Variants in ATRNL1 observed in about 807,000 individuals in gnomAD.
ATRNL1 encodes attractin-like protein 1.
A neutral mutation model predicts 182.7 loss-of-function variants in ATRNL1; 95 were observed. That is an observed-to-expected ratio of 0.52 (90% CI 0.44 to 0.62). The LOEUF (loss-of-function observed/expected upper bound fraction) is 0.62. Among genes scored for constraint, ATRNL1 ranks in the 20% least tolerant of loss-of-function variants. ATRNL1 has a pLI of 0.00. For missense variants in ATRNL1, 1,471 were observed against 1,679.5 expected (o/e 0.88, Z 2.17); for synonymous variants, 576 against 568.3 (o/e 1.01, Z -0.19).
At chr10:115,717,545 G>GTTTTTTTTTTT (rs1555056622) in intron 26 of ATRNL1, among the ~76,000 whole-genome samples, 4 of 65,220 alleles carry the variant, frequency 6.1e-5, no homozygotes, top group African/African-American at 1.9e-4. Flanking sequence ...TGCCTGAAAT[G>GTTTTTTTTTTT]TTCTTTTTTT....
chr10:115,354,833 T>A (rs1856432523), intron 19 of ATRNL1, among the ~76,000 whole-genome samples: 1 of 152,134 alleles, frequency 6.6e-6, no homozygotes, highest in Non-Finnish European at 1.5e-5. Context: ...AGATTTTCCC[T>A]TTTGAGGCTC....
intron 26 of ATRNL1, among the ~76,000 whole-genome samples, chr10:115,628,389 C>T (rs1157232558): frequency 1.3e-5 from 2 of 152,006 alleles, no homozygotes; most frequent in African/African-American, 4.8e-5. Flanking sequence ...GGAGAAACGT[C>T]TATTCAAGTT....
chr10:115,358,438 ATT>A (rs1856597578), intron 19 of ATRNL1, among the ~76,000 whole-genome samples: 1 of 151,000 alleles, frequency 6.6e-6, no homozygotes, highest in African/African-American at 2.4e-5. Context: ...TCATATCTTT[ATT>A]TTTTTATTTT....
At chr10:115,434,422 TAGAG>T (rs1359210793) in intron 21 of ATRNL1, among the ~76,000 whole-genome samples, 3 of 152,022 alleles carry the variant, frequency 2.0e-5, no homozygotes, top group African/African-American at 7.2e-5. Flanking sequence ...AAAACAGAGA[TAGAG>T]AAAGCTGAAC....
chr10:115,876,487 C>A (rs996852216), intron 28 of ATRNL1, among the ~76,000 whole-genome samples: 1 of 152,200 alleles, frequency 6.6e-6, no homozygotes, highest in African/African-American at 2.4e-5. Flanking sequence ...CAGGCATTTT[C>A]TTTGCTGCTC....
intron 28 of ATRNL1, among the ~76,000 whole-genome samples, chr10:115,881,998 A>G (rs1296597459): frequency 6.6e-6 from 1 of 152,164 alleles, no homozygotes; most frequent in East Asian, 1.9e-4. Context: ...CATTTCTGAC[A>G]GGTAAAGTTC....
At chr10:115,423,358 A>G (rs1845730975) in intron 20 of ATRNL1, among the ~76,000 whole-genome samples, 1 of 151,824 alleles carries the variant, frequency 6.6e-6, no homozygotes, top group Non-Finnish European at 1.5e-5. Flanking sequence ...ACACGGCAAA[A>G]CCCTGTCTTA....
At chr10:115,321,559 G>A (rs1554931534) in intron 18 of ATRNL1, among the ~76,000 whole-genome samples, 3 of 150,938 alleles carry the variant, frequency 2.0e-5, no homozygotes, top group Non-Finnish European at 4.4e-5. Context: ...GGCAAATATT[G>A]TCCTTTCACT....
chr10:115,564,084 A>G (rs1014227011), intron 26 of ATRNL1, among the ~76,000 whole-genome samples: 2 of 151,920 alleles, frequency 1.3e-5, no homozygotes, highest in East Asian at 3.9e-4. Flanking sequence ...ATATTTATTT[A>G]TTTTTAAATT....
chr10:115,208,591 C>T (rs954235585), intron 8 of ATRNL1, among the ~76,000 whole-genome samples: 4 of 152,034 alleles, frequency 2.6e-5, no homozygotes, highest in Non-Finnish European at 5.9e-5. Context: ...TACATCTCTT[C>T]TCAGGACTCT....
At chr10:115,759,496 C>G (rs1437734966) in intron 27 of ATRNL1, among the ~76,000 whole-genome samples, 1 of 151,778 alleles carries the variant, frequency 6.6e-6, no homozygotes, top group Non-Finnish European at 1.5e-5. Flanking sequence ...GGGGGAGTGA[C>G]CAGGGGACAT....
At chr10:115,392,954 A>G (rs1357177532) in intron 19 of ATRNL1, among the ~76,000 whole-genome samples, 1 of 152,154 alleles carries the variant, frequency 6.6e-6, no homozygotes, top group Non-Finnish European at 1.5e-5. Context: ...CTTCCACCTC[A>G]GTTAAATAGC....
intron 21 of ATRNL1, among the ~76,000 whole-genome samples, chr10:115,449,985 C>T (rs1847206230): frequency 2.0e-5 from 3 of 152,128 alleles, no homozygotes; most frequent in Non-Finnish European, 4.4e-5. Flanking sequence ...CCCCAGGATG[C>T]AAGATTGGTT....
intron 5 of ATRNL1, among the ~76,000 whole-genome samples, chr10:115,155,992 A>G (rs1407705900): frequency 6.6e-6 from 1 of 152,068 alleles, no homozygotes; most frequent in Non-Finnish European, 1.5e-5. Context: ...CCAGACACCA[A>G]TCAAAATGGA....
intron 24 of ATRNL1, among the ~76,000 whole-genome samples, chr10:115,484,585 C>A (rs1264599814): frequency 1.3e-5 from 2 of 151,580 alleles, no homozygotes; most frequent in Non-Finnish European, 3.0e-5. Flanking sequence ...GCTTCTTTAA[C>A]ACCACTCATT....
chr10:115,189,040 A>C (rs1848066446), intron 8 of ATRNL1, among the ~76,000 whole-genome samples: 1 of 152,198 alleles, frequency 6.6e-6, no homozygotes, highest in African/African-American at 2.4e-5. Flanking sequence ...TATGCCATGC[A>C]CAATATTTCA....
chr10:115,339,934 C>T (rs1421671680), intron 19 of ATRNL1, among the ~76,000 whole-genome samples: 9 of 152,070 alleles, frequency 5.9e-5, no homozygotes, highest in African/African-American at 1.2e-4. Context: ...TTATCAAATG[C>T]GTTTTCACTG....
intron 9 of ATRNL1, 85 bp downstream of exon 9, chr10:115,215,965 C>G: frequency 9.4e-7 from 1 of 1,068,668 alleles, no homozygotes; most frequent in Non-Finnish European, 1.3e-6. Flanking sequence ...CATAGAAATA[C>G]TTACTTTATA....
rs149442348 is a variant in ATRNL1, at chr10:115,462,029, A to G, written c.3411A>G (p.Pro1137=). ...HHTAINFIAN[P]EQSNKNLDIS... is the part of the protein sequence containing the mutation. Reference sequence around the variant, plus strand: ...CTGCCATAAACTTTATAGCAAACCCAGAACAGGTGAGGAAAAATTGTTATC... The same window carrying G: ...CTGCCATAAACTTTATAGCAAACCCGGAACAGGTGAGGAAAAATTGTTATC... Residue 1137 remains proline, a synonymous_variant, in exon 22 of 29, where the codon CCA becomes CCG. Coordinates refer to ENST00000355044, the MANE Select transcript of ATRNL1 (RefSeq NM_207303.4). The G allele has an allele frequency of 1.3e-6, 2 of 1,599,610 alleles. No homozygotes were observed. The highest frequency in any genetic ancestry group is 3.4e-5 in the Admixed American group (2 of 58,332).
Sources: gnomAD v4.1 joint callset for allele counts (sites outside exome capture counted in the v4.1 genomes callset) on GRCh38, gnomAD v4.1.1 for gene constraint, MANE v1.5 for transcripts, NCBI Gene and HGNC (gene_info 2026-07-23, HGNC 2026-07-21) for gene names.